The following TYW1 variants were observed in gnomAD, a reference collection of about 807,000 sequenced individuals.
The protein encoded by TYW1 is S-adenosyl-L-methionine-dependent tRNA 4-demethylwyosine synthase TYW1.
Under a neutral mutation model 96.2 loss-of-function variants are expected in TYW1, and 46 were observed. That is an observed-to-expected ratio of 0.48 (90% CI 0.38 to 0.61). TYW1 has a LOEUF of 0.61. TYW1 is among the 20% of genes least tolerant of loss of function. TYW1 has a pLI of 0.00. For missense variants in TYW1, 684 were observed against 909.6 expected (o/e 0.75, Z 3.19); for synonymous variants, 274 against 323.0 (o/e 0.85, Z 1.63).
At chr7:67,041,456 C>T (rs370698220) in intron 7 of TYW1, among the ~76,000 whole-genome samples, 13 of 152,096 alleles carry the variant, frequency 8.5e-5, no homozygotes, top group African/African-American at 2.7e-4. Flanking sequence ...CCCGCCACCA[C>T]GCCCGGCTAA....
chr7:67,211,991 T>C (rs1220509122), intron 15 of TYW1, among the ~76,000 whole-genome samples: 1 of 152,200 alleles, frequency 6.6e-6, no homozygotes, highest in Non-Finnish European at 1.5e-5. Flanking sequence ...TTTGCATACA[T>C]TAAGATTCAG....
intron 10 of TYW1, among the ~76,000 whole-genome samples, chr7:67,080,199 A>T (rs1796337310): frequency 6.6e-6 from 1 of 152,094 alleles, no homozygotes. Context: ...ATGGTAGTAG[A>T]GTCTATCTTT....
At chr7:67,192,541 G>A (rs1480633138) in intron 14 of TYW1, among the ~76,000 whole-genome samples, 2 of 152,108 alleles carry the variant, frequency 1.3e-5, no homozygotes, top group Non-Finnish European at 2.9e-5. Context: ...TTAAATTGAG[G>A]TAGAGTACAC....
At chr7:67,224,550 CT>C (rs1033388699) in intron 15 of TYW1, among the ~76,000 whole-genome samples, 1 of 152,210 alleles carries the variant, frequency 6.6e-6, no homozygotes, top group African/African-American at 2.4e-5. Context: ...ACTTAGCCTT[CT>C]TTTTTCTCCC....
At chr7:67,069,507 G>A (rs1431347404) in intron 10 of TYW1, among the ~76,000 whole-genome samples, 1 of 152,216 alleles carries the variant, frequency 6.6e-6, no homozygotes, top group Non-Finnish European at 1.5e-5. Context: ...GGGATGCCAA[G>A]GTGGGTGGAG....
At chr7:67,147,318 T>TA (rs1798638362) in intron 13 of TYW1, among the ~76,000 whole-genome samples, 3 of 152,232 alleles carry the variant, frequency 2.0e-5, no homozygotes, top group Admixed American at 6.5e-5. Flanking sequence ...CATCATTTTA[T>TA]GAAGAAACTG....
At chr7:67,089,646 C>A (rs2711919) in intron 11 of TYW1, among the ~76,000 whole-genome samples, 6 of 152,130 alleles carry the variant, frequency 3.9e-5, no homozygotes, top group Non-Finnish European at 7.4e-5. Context: ...ACTGGAGCTA[C>A]GTGGCCAGTC....
chr7:67,189,617 G>A (rs1584674911), intron 14 of TYW1, among the ~76,000 whole-genome samples: 1 of 152,144 alleles, frequency 6.6e-6, no homozygotes, highest in Non-Finnish European at 1.5e-5. Context: ...TCCTCCTTGA[G>A]CCTAAATTCT....
chr7:67,090,745 C>A (rs1386831364), intron 11 of TYW1, among the ~76,000 whole-genome samples: 1 of 152,160 alleles, frequency 6.6e-6, no homozygotes, highest in East Asian at 1.9e-4. Flanking sequence ...ACAGCACTAT[C>A]GATTTGCTGT....
intron 13 of TYW1, among the ~76,000 whole-genome samples, chr7:67,152,476 T>C (rs1394618314): frequency 6.6e-6 from 1 of 152,198 alleles, no homozygotes; most frequent in African/African-American, 2.4e-5. Context: ...CCCTCATCTT[T>C]TGACAATCTT....
intron 3 of TYW1, among the ~76,000 whole-genome samples, chr7:66,999,476 C>A (rs1793305316): frequency 1.3e-5 from 2 of 152,154 alleles, no homozygotes; most frequent in African/African-American, 4.8e-5. Context: ...CCTCAGCCTC[C>A]CGAGTAGCTG....
At chr7:67,015,866 G>C (rs1204617833) in intron 5 of TYW1, among the ~76,000 whole-genome samples, 1 of 151,922 alleles carries the variant, frequency 6.6e-6, no homozygotes. Context: ...GGGAGGCTGA[G>C]GCAGGAGAAT....
intron 15 of TYW1, among the ~76,000 whole-genome samples, chr7:67,204,651 A>G (rs776436301): frequency 4.0e-5 from 6 of 149,770 alleles, no homozygotes; most frequent in South Asian, 4.2e-4. Context: ...CTGGAATCCA[A>G]TGGCACAATC....
intron 14 of TYW1, among the ~76,000 whole-genome samples, chr7:67,189,013 G>T (rs1027545987): frequency 5.9e-5 from 9 of 152,206 alleles, no homozygotes; most frequent in Admixed American, 6.5e-5. Context: ...TGTGAGGAAG[G>T]TTTCTAACAT....
chr7:67,018,043 G>A lies in TYW1; in HGVS notation c.761G>A (p.Gly254Asp), dbSNP rs1284043747. The A allele has an allele frequency of 6.2e-7, 1 of 1,613,944 alleles. No homozygotes were observed. The highest frequency in any genetic ancestry group is 8.5e-7 in the Non-Finnish European group (1 of 1,180,022). The change falls in exon 6 of 16, where the codon GGC (glycine) becomes GAC (aspartate). Residue 254 changes from glycine to aspartate, a missense_variant. Physicochemically the swap from Gly to Asp is moderately conservative, Grantham distance 94. Transcript: ENST00000359626. ...QKGERKKSCGGHCKKGKCESH... is the reference protein window; with the variant it reads ...QKGERKKSCGDHCKKGKCESH... ...GGGGAGAGAAAGAAGTCCTGTGGCGGCCACTGCAAGAAAGGCAAATGTGAA... is the reference window on the plus strand; with the variant it reads ...GGGGAGAGAAAGAAGTCCTGTGGCGACCACTGCAAGAAAGGCAAATGTGAA...
intron 13 of TYW1, among the ~76,000 whole-genome samples, chr7:67,140,742 A>G (rs66908665): frequency 0.26 from 39,546 of 152,162 alleles, 5,640 homozygotes; most frequent in African/African-American, 0.38. Context: ...TCAACAGTTC[A>G]TATCTAGTAA....
In TYW1 at chr7:67,205,202, G is replaced by T. The variant is rs571276267; in HGVS notation, c.1977+9865G>T. ...TGTTACCTCCTTACTTCCAGGGAGAGGTAAAAGTCCATTTCCCCCCTCAGC... is the reference window on the plus strand; with the variant it reads ...TGTTACCTCCTTACTTCCAGGGAGATGTAAAAGTCCATTTCCCCCCTCAGC... On this transcript the variant is annotated intron_variant, in intron 15 of 15. Coordinates refer to ENST00000359626, the MANE Select transcript of TYW1 (RefSeq NM_018264.4). Among the ~76,000 whole-genome samples the T allele has an allele frequency of 3.9e-5, 6 of 152,212 alleles. No homozygotes were observed. In the South Asian group the frequency reaches 1.2e-3, roughly 32 times the overall value.
intron 10 of TYW1, among the ~76,000 whole-genome samples, chr7:67,080,959 T>G (rs1435775340): frequency 8.1e-5 from 12 of 147,514 alleles, no homozygotes; most frequent in African/African-American, 3.0e-4. Flanking sequence ...TTTTTTTTTT[T>G]TTTTTTTTGC....
intron 7 of TYW1, among the ~76,000 whole-genome samples, chr7:67,028,527 C>G (rs1794535814): frequency 6.6e-6 from 1 of 152,198 alleles, no homozygotes; most frequent in African/African-American, 2.4e-5. Flanking sequence ...TGAAAAGATG[C>G]TTAACTTTAC....
Sources: allele counts gnomAD v4.1 joint callset (sites outside exome capture counted in the v4.1 genomes callset), GRCh38; gene constraint gnomAD v4.1.1; transcripts MANE v1.5; gene names NCBI Gene and HGNC (gene_info 2026-07-23, HGNC 2026-07-21).